COL12A1: variants seen among roughly 807,000 people sequenced by gnomAD.
COL12A1 encodes the protein collagen type XII alpha 1 chain, also known as collagen alpha-1(XII) chain.
In COL12A1, 114 loss-of-function variants were observed where a neutral mutation model predicts 349.7. That is an observed-to-expected ratio of 0.33 (90% CI 0.28 to 0.38). The LOEUF is 0.38. Ranked by LOEUF, COL12A1 falls within the 10% of genes least tolerant of loss-of-function variation. The pLI is 1.00. For missense variants in COL12A1, 3,284 were observed against 3,756.9 expected (o/e 0.87, Z 3.29); for synonymous variants, 1,369 against 1,329.0 (o/e 1.03, Z -0.66).
Position 75,128,487 on chromosome 6 carries a change from G to A in COL12A1, c.6211-62C>T, listed in dbSNP as rs1265069017. On this transcript the variant is annotated intron_variant, in intron 37 of 65. Coordinates refer to ENST00000322507, the MANE Select transcript of COL12A1 (RefSeq NM_004370.6). ...TAGAAGACTTCCAGATCAAAAGACA[G>A]TATTGTTTTATGTATTCCCATAAAC... 3.6e-6 allele frequency: 5 copies of A among 1,385,720 alleles called. No homozygotes were observed. The East Asian group carries it at 1.3e-4, about 36-fold the overall frequency. The allele number at this position is 1,385,720 out of a possible 1,614,324, so 85.8% of individuals were successfully genotyped here.
chr6:75,139,073 A>G, intron 27 of COL12A1, 112 bp from the exon 28 acceptor site: 1 of 1,249,082 alleles, frequency 8.0e-7, no homozygotes, highest in East Asian at 2.4e-5. Context: ...AAACTGATTG[A>G]ATACATTGCT....
chr6:75,112,743 T>G (rs1197803278), intron 51 of COL12A1, among the ~76,000 whole-genome samples: 1 of 151,734 alleles, frequency 6.6e-6, no homozygotes, highest in African/African-American at 2.4e-5. Flanking sequence ...TTATTCTGCA[T>G]TTCACTGGCA....
chr6:75,168,764 G>T (rs1768455755), intron 13 of COL12A1, among the ~76,000 whole-genome samples: 1 of 152,062 alleles, frequency 6.6e-6, no homozygotes, highest in African/African-American at 2.4e-5. Flanking sequence ...CATTTATTCG[G>T]GAGGTGTGCT....
In COL12A1 at chr6:75,128,307, T is replaced by A; in HGVS notation, c.6329A>T (p.Asn2110Ile). 6.2e-7 allele frequency: 1 copy of A among 1,601,952 alleles called. No homozygotes were observed. The highest frequency in any genetic ancestry group is 1.7e-5 in the Admixed American group (1 of 57,832). ...TACAAAACACTTACCAGTTCTTCCA[T>A]TTCCTGTTAGATGGCCACCATCTCC... ...EDGDGGHLTGNGRTVGLLPPQ... is the reference protein window; with the variant it reads ...EDGDGGHLTGIGRTVGLLPPQ... The change falls in exon 38 of 66, where the codon AAT becomes ATT. Residue 2110 changes from asparagine (N) to isoleucine (I), a missense_variant. Physicochemically the swap from Asn to Ile is moderately radical, Grantham distance 149 (BLOSUM62 -3). This residue lies in a region of COL12A1 where 2,601 missense variants were observed against 2,824.8 expected (regional missense o/e 0.92). Transcript: ENST00000322507.
chr6:75,113,976 T>C (rs1582070433), intron 49 of COL12A1, among the ~76,000 whole-genome samples: 2 of 151,858 alleles, frequency 1.3e-5, no homozygotes, highest in Non-Finnish European at 2.9e-5. Context: ...AGACCAGTTA[T>C]GTAAATTATA....
At chr6:75,102,729 G>T in intron 55 of COL12A1, 37 bp from the exon 56 acceptor site, 2 of 1,349,240 alleles carry the variant, frequency 1.5e-6, no homozygotes, top group Non-Finnish European at 2.0e-6. Context: ...ACAAAGTAAT[G>T]TAATACCTTT....
chr6:75,182,995 A>T (rs952459343), intron 10 of COL12A1, 55 bp downstream of exon 10: 3 of 1,524,184 alleles, frequency 2.0e-6, no homozygotes, highest in African/African-American at 1.4e-5. Flanking sequence ...ACAATTTTAG[A>T]ACCAAAAATT....
intron 51 of COL12A1, among the ~76,000 whole-genome samples, chr6:75,111,499 T>C (rs935501840): frequency 6.6e-6 from 1 of 151,940 alleles, no homozygotes; most frequent in African/African-American, 2.4e-5. Context: ...TTGGAAATTT[T>C]AAAATAACAG....
At chr6:75,154,643 C>G in intron 16 of COL12A1, 106 bp from the exon 17 acceptor site, 2 of 1,200,570 alleles carry the variant, frequency 1.7e-6, no homozygotes, top group Admixed American at 2.6e-5. Flanking sequence ...CAAGCTTACA[C>G]TATGAAGAGT....
At chr6:75,205,023 C>A (rs1461779831) in intron 1 of COL12A1, among the ~76,000 whole-genome samples, 1 of 151,810 alleles carries the variant, frequency 6.6e-6, no homozygotes, top group Admixed American at 6.6e-5. Context: ...CTGTTCCGCT[C>A]GCTGAACGAG....
In COL12A1 at chr6:75,125,133, T is replaced by C; in HGVS notation, c.6601A>G (p.Thr2201Ala). Residue 2201 changes from threonine to alanine, a missense_variant, in exon 40 of 66, where the codon ACT becomes GCT. Around this residue, in one of 2 missense-constraint regions of COL12A1, gnomAD observed 2,601 missense variants for 2,824.8 expected, o/e 0.92. Coordinates refer to ENST00000322507, the MANE Select transcript of COL12A1 (RefSeq NM_004370.6). The stretch of plus-strand genomic sequence containing the variant: ...GAAAATATCCATGACTCACATGTAG[T>C]GCCTTGATCTGTCAAGGGGACACTG... ...GLSVPLTDQG[T>A]TLYLNVTDLK... The C allele has an allele frequency of 6.3e-7, 1 of 1,595,944 alleles. No individual in the cohort carries two copies. Among genetic ancestry groups the C allele is most frequent in the East Asian group, 2.3e-5 (1 of 44,194 alleles).
intron 11 of COL12A1, among the ~76,000 whole-genome samples, chr6:75,180,571 C>CATATATATATATATAT (rs1014346865): frequency 8.6e-5 from 13 of 150,840 alleles, no homozygotes; most frequent in African/African-American, 3.2e-4. Context: ...CCTATATATA[C>CATATATATATATATAT]ATATATATAT....
intron 59 of COL12A1, among the ~76,000 whole-genome samples, chr6:75,096,648 G>A (rs1166938142): frequency 2.6e-5 from 4 of 152,198 alleles, no homozygotes; most frequent in Non-Finnish European, 5.9e-5. Flanking sequence ...TGTAATCCCA[G>A]CACTTTGGGA....
intron 11 of COL12A1, among the ~76,000 whole-genome samples, chr6:75,178,795 T>G (rs1176936610): frequency 6.6e-6 from 1 of 152,090 alleles, no homozygotes; most frequent in South Asian, 2.1e-4. Flanking sequence ...AACACATCAA[T>G]AGATCACTCC....
intron 34 of COL12A1, 35 bp from the exon 35 acceptor site, chr6:75,132,117 T>C: frequency 6.2e-7 from 1 of 1,610,590 alleles, no homozygotes; most frequent in Non-Finnish European, 8.5e-7. Context: ...ATTTTTTAAG[T>C]CTGTTTATAT....
intron 3 of COL12A1, 35 bp from the exon 4 acceptor site, chr6:75,192,390 A>G (rs1452254224): frequency 6.3e-7 from 1 of 1,586,894 alleles, no homozygotes; most frequent in East Asian, 2.2e-5. Flanking sequence ...TGAATGCAAC[A>G]AAACATTTTT....
At chr6:75,134,092 T>G in intron 32 of COL12A1, 95 bp from the exon 33 acceptor site, 1 of 1,340,746 alleles carries the variant, frequency 7.5e-7, no homozygotes, top group South Asian at 1.4e-5. Context: ...CCCTAGAACA[T>G]AGCAGGCACC....
In COL12A1 at chr6:75,138,948, G is replaced by A; in HGVS notation, c.4971C>T (p.Ala1657=). The A allele has an allele frequency of 1.2e-6, 2 of 1,613,984 alleles. No individual in the cohort carries two copies. Among genetic ancestry groups the A allele is most frequent in the Non-Finnish European group, 1.7e-6 (2 of 1,179,898 alleles). Residue 1657 remains alanine (A), a synonymous_variant, in exon 28 of 66, where the codon GCC becomes GCT. Coordinates refer to ENST00000322507, the MANE Select transcript of COL12A1 (RefSeq NM_004370.6). ...CTTCAGTAATCTTTAAGTTTGTTGG[G>A]GCTGGCACGGGTCCTATCATGAGAA... ...TAQETTRPVP[A]PTNLKITEVT...
At chr6:75,162,227 A>C (rs541002160) in intron 14 of COL12A1, among the ~76,000 whole-genome samples, 1 of 152,344 alleles carries the variant, frequency 6.6e-6, no homozygotes, top group African/African-American at 2.4e-5. Flanking sequence ...AGCTGGAGGC[A>C]TCAAGCTACC....
Sources: gnomAD v4.1 joint callset for allele counts (sites outside exome capture counted in the v4.1 genomes callset) on GRCh38, gnomAD v4.1.1 for gene constraint, gnomAD v4.1.1 regional missense constraint, MANE v1.5 for transcripts, NCBI Gene and HGNC (gene_info 2026-07-23, HGNC 2026-07-21) for gene names.